The following NTM variants were observed in gnomAD, a reference collection of about 807,000 sequenced individuals.
NTM encodes the protein IgLON family member 2.
Under a neutral mutation model 42.1 loss-of-function variants are expected in NTM, and 13 were observed. That is an observed-to-expected ratio of 0.31 (90% CI 0.20 to 0.49). The LOEUF (loss-of-function observed/expected upper bound fraction) is 0.49, where lower values mean the gene tolerates loss of function less well. NTM is among the 20% of genes least tolerant of loss of function. The pLI is 0.99. For synonymous variants in NTM, 187 were observed against 179.2 expected (o/e 1.04, Z -0.35); for missense variants, 373 against 452.8 (o/e 0.82, Z 1.60).
At chr11:131,735,835 G>GGGGTGTGTGT (rs1491265028) in intron 1 of NTM, among the ~76,000 whole-genome samples, 2,181 of 121,356 alleles carry the variant, frequency 0.018, 53 homozygotes, top group African/African-American at 0.055. Context: ...CCATTCATAA[G>GGGGTGTGTGT]GTGTGTGTGT....
rs141343518 is a variant in NTM, at chr11:131,895,291, G to A, written c.83-16273G>A. Among the ~76,000 whole-genome samples the A allele has an allele frequency of 7.4e-4, 113 of 152,254 alleles. 1 individual carries two copies. The East Asian group carries it at 0.017, about 23-fold the overall frequency. On this transcript the variant is annotated intron_variant, in intron 1 of 8. Transcript: ENST00000683400. ...CCAGGTGCAGGCCTGGACCTGGCAT[G>A]GGCTGGAAGTAACCATACATTTCAC...
At chr11:131,896,679 CTTTTTTT>C (rs71067345) in intron 1 of NTM, among the ~76,000 whole-genome samples, 35 of 100,600 alleles carry the variant, frequency 3.5e-4, no homozygotes, top group South Asian at 7.4e-4. Flanking sequence ...ACATTTTAGG[CTTTTTTT>C]TTTTTTTTTT....
intron 1 of NTM, among the ~76,000 whole-genome samples, chr11:131,861,121 G>A (rs2046588086): frequency 6.6e-6 from 1 of 152,070 alleles, no homozygotes; most frequent in African/African-American, 2.4e-5. Context: ...GGGGACAGTG[G>A]AGTCAGAAAA....
intron 2 of NTM, among the ~76,000 whole-genome samples, chr11:132,057,965 T>C (rs1217486315): frequency 6.6e-6 from 1 of 152,198 alleles, no homozygotes; most frequent in African/African-American, 2.4e-5. Flanking sequence ...CACAAGTCTG[T>C]GCTTGTCTCA....
intron 2 of NTM, among the ~76,000 whole-genome samples, chr11:132,051,325 A>T (rs1422300198): frequency 6.6e-6 from 1 of 152,196 alleles, no homozygotes; most frequent in Non-Finnish European, 1.5e-5. Context: ...TAAATGAGAA[A>T]ACTGAGGCCC....
At chr11:131,898,337 C>A (rs61901706) in intron 1 of NTM, among the ~76,000 whole-genome samples, 13,842 of 152,236 alleles carry the variant, frequency 0.091, 857 homozygotes, top group Middle Eastern at 0.14. Flanking sequence ...AACATTGAGA[C>A]GCACAGGCCT....
chr11:132,070,481 C>T lies in NTM; in HGVS notation c.168-75801C>T, dbSNP rs529008164. Among the ~76,000 whole-genome samples the T allele has an allele frequency of 5.0e-5, 6 of 119,914 alleles. 1 individual carries two copies. In the East Asian group the frequency reaches 1.0e-3, roughly 20 times the overall value. The allele number at this position is 119,914 out of a possible 152,430, so 78.7% of individuals were successfully genotyped here. On this transcript the variant is annotated intron_variant, in intron 2 of 8. Transcript: ENST00000683400. ...AACACATCACACAGCCAAGTTAACA[C>T]GTCAAACTGACCGTCACAGGTTAGT...
At chr11:132,103,372 C>T (rs964000432) in intron 2 of NTM, among the ~76,000 whole-genome samples, 3 of 152,338 alleles carry the variant, frequency 2.0e-5, no homozygotes, top group Admixed American at 1.3e-4. Context: ...TTTCTAATCT[C>T]GGGCATTTTG....
chr11:132,040,849 A>G (rs2135772617), intron 2 of NTM, among the ~76,000 whole-genome samples: 1 of 152,330 alleles, frequency 6.6e-6, no homozygotes, highest in South Asian at 2.1e-4. Context: ...AGGATTCTCA[A>G]CATCAGTTCA....
At chr11:131,500,758 C>T (rs562007072) in intron 1 of NTM, among the ~76,000 whole-genome samples, 2 of 109,786 alleles carry the variant, frequency 1.8e-5, no homozygotes, top group South Asian at 3.6e-4. Flanking sequence ...CAACAGGCCT[C>T]GGTGTATGAT....
chr11:131,711,243 C>T (rs988680590), intron 1 of NTM, among the ~76,000 whole-genome samples: 2 of 151,996 alleles, frequency 1.3e-5, no homozygotes, highest in Non-Finnish European at 2.9e-5. Flanking sequence ...TGACAAAGGG[C>T]TAATATCCAG....
chr11:131,562,542 G>A (rs1173920079), intron 1 of NTM, among the ~76,000 whole-genome samples: 1 of 151,994 alleles, frequency 6.6e-6, no homozygotes, highest in Admixed American at 6.6e-5. Context: ...TCCCAAGGAG[G>A]CCCGGCAGAG....
chr11:131,919,115 C>CT (rs11395451), intron 2 of NTM, among the ~76,000 whole-genome samples: 114,492 of 145,834 alleles, frequency 0.79, 44,892 homozygotes, highest in East Asian at 0.96. Flanking sequence ...AAAACGCTTC[C>CT]TTTTTTTTTT....
intron 4 of NTM, among the ~76,000 whole-genome samples, chr11:132,264,023 C>T (rs1042426853): frequency 3.3e-5 from 5 of 152,278 alleles, no homozygotes; most frequent in East Asian, 1.9e-4. Context: ...ATTCCTACAA[C>T]GGAATGGCTT....
intron 2 of NTM, among the ~76,000 whole-genome samples, chr11:131,970,574 T>G (rs1167891026): frequency 6.6e-6 from 1 of 152,252 alleles, no homozygotes; most frequent in African/African-American, 2.4e-5. Context: ...GGTCCTAGCC[T>G]CTGGGATTCA....
chr11:131,440,816 T>TAAAAAAAA lies in NTM; in HGVS notation c.82+69969_82+69976dup, dbSNP rs55915027. Among the ~76,000 whole-genome samples, 23 of 42,922 alleles carry TAAAAAAAA rather than the reference T, an allele frequency of 5.4e-4. 4 individuals are homozygous for TAAAAAAAA. The highest frequency in any genetic ancestry group is 1.0e-3 in the African/African-American group (10 of 9,712). The allele number at this position is 42,922 out of a possible 152,430, so 28.2% of individuals were successfully genotyped here. A position where few individuals can be genotyped will look rare whatever the true frequency, so the allele number is the denominator to read the frequency against. On this transcript the variant is annotated intron_variant, in intron 1 of 8. Coordinates refer to ENST00000683400, the MANE Select transcript of NTM (RefSeq NM_001352005.2). ...GTGCCACCCCTCACCACAGCCTCCA[T>TAAAAAAAA]AAAAAAAAAAAAAAAAAAAAAAAAA... is the stretch of plus-strand genomic sequence containing the variant.
chr11:131,608,344 G>C (rs1042442776), intron 1 of NTM, among the ~76,000 whole-genome samples: 3 of 152,186 alleles, frequency 2.0e-5, no homozygotes, highest in South Asian at 2.1e-4. Flanking sequence ...GAGATGACTT[G>C]ATAGGAAAGA....
intron 2 of NTM, among the ~76,000 whole-genome samples, chr11:131,956,033 A>AG (rs1475818657): frequency 6.6e-6 from 1 of 152,196 alleles, no homozygotes; most frequent in African/African-American, 2.4e-5. Context: ...TCCCTGGGCC[A>AG]GGCAGGGAAG....
intron 2 of NTM, among the ~76,000 whole-genome samples, chr11:132,135,791 CT>C (rs1384486068): frequency 2.6e-5 from 4 of 152,170 alleles, no homozygotes; most frequent in African/African-American, 9.7e-5. Context: ...TGACTTCCTG[CT>C]TTGTCCTGCA....
Sources: gnomAD v4.1 joint callset for allele counts (sites outside exome capture counted in the v4.1 genomes callset) on GRCh38, gnomAD v4.1.1 for gene constraint, MANE v1.5 for transcripts, NCBI Gene and HGNC (gene_info 2026-07-23, HGNC 2026-07-21) for gene names.